Variants in RET observed in about 807,000 individuals in gnomAD.
RET encodes ret proto-oncogene, also known as proto-oncogene tyrosine-protein kinase receptor Ret.
Under a neutral mutation model 118.3 loss-of-function variants are expected in RET, and 19 were observed. The observed-to-expected ratio is 0.16, with a 90% CI of 0.11 to 0.24. The LOEUF is 0.24. Ranked by LOEUF, RET falls within the 10% of genes least tolerant of loss-of-function variation. The probability of loss-of-function intolerance (pLI) is 1.00; values close to 1 mark genes in which losing one functional copy is unlikely to be tolerated. For synonymous variants in RET, 597 were observed against 644.1 expected (o/e 0.93, Z 1.11); for missense variants, 1,219 against 1,502.1 (o/e 0.81, Z 3.12).
At chr10:43,127,577 G>T in intron 19 of RET, 2 of 738,322 alleles carry the variant, frequency 2.7e-6, no homozygotes, top group Non-Finnish European at 3.4e-6. Context: ...AGCTGAGACG[G>T]TTCCTTTTGC....
At chr10:43,118,530 G>T in intron 13 of RET, 50 bp downstream of exon 13, 3 of 1,330,016 alleles carry the variant, frequency 2.3e-6, no homozygotes, top group Non-Finnish European at 3.2e-6. Flanking sequence ...CCAGGCTGGG[G>T]GCTCCATACA....
Position 43,119,527 on chromosome 10 carries a change from C to T in RET, c.2393-4C>T, listed in dbSNP as rs768398267. The T allele has an allele frequency of 1.3e-6, 2 of 1,593,132 alleles. No individual in the cohort carries two copies. The highest frequency in any genetic ancestry group is 8.5e-7 in the Non-Finnish European group (1 of 1,173,018). Reference sequence around the variant, plus strand: ...CGCCCAGGGCCCCCTCTCTCCGCCCCCAGGCCCGCTCCTCCTCATCGTGGA... The same window carrying T: ...CGCCCAGGGCCCCCTCTCTCCGCCCTCAGGCCCGCTCCTCCTCATCGTGGA... On this transcript the variant is annotated splice_region_variant and splice_polypyrimidine_tract_variant and intron_variant, in intron 13 of 19. Transcript: ENST00000355710.
chr10:43,109,937 G>A (rs1347451622), intron 6 of RET, among the ~76,000 whole-genome samples: 4 of 152,162 alleles, frequency 2.6e-5, no homozygotes, highest in Admixed American at 6.5e-5. Flanking sequence ...GCATGTTCTC[G>A]CATGCCGCTC....
At chr10:43,087,984 G>A (rs913187393) in intron 1 of RET, among the ~76,000 whole-genome samples, 1 of 152,190 alleles carries the variant, frequency 6.6e-6, no homozygotes, top group Non-Finnish European at 1.5e-5. Context: ...CGTGATGATG[G>A]TTGTGGTGGA....
At chr10:43,088,578 G>T (rs1837345689) in intron 1 of RET, among the ~76,000 whole-genome samples, 1 of 152,050 alleles carries the variant, frequency 6.6e-6, no homozygotes, top group South Asian at 2.1e-4. Flanking sequence ...CATTTGCTTG[G>T]TGCCAGCCAC....
intron 10 of RET, among the ~76,000 whole-genome samples, chr10:43,113,978 A>G (rs1838005357): frequency 1.3e-5 from 2 of 152,154 alleles, no homozygotes; most frequent in Non-Finnish European, 2.9e-5. Context: ...CCAGGAACAC[A>G]TTTCAAGGTC....
At chr10:43,078,753 T>C (rs1837111076) in intron 1 of RET, among the ~76,000 whole-genome samples, 1 of 152,162 alleles carries the variant, frequency 6.6e-6, no homozygotes, top group Non-Finnish European at 1.5e-5. Context: ...AGTGAGGCTG[T>C]GGGGGCCAGG....
Position 43,112,112 on chromosome 10 carries a change from G to A in RET, c.1536G>A (p.Glu512=), listed in dbSNP as rs1225794377. Residue 512 remains glutamate, a synonymous_variant, in exon 8 of 20, where the codon GAG becomes GAA. Coordinates refer to ENST00000355710, the MANE Select transcript of RET (RefSeq NM_020975.6). ...TGCCACCTGCAGATGTGGCCGAGGA[G>A]GCGGGCTGCCCCCTGTCCTGTGCAG... ...VTVEGSYVAE[E]AGCPLSCAVS... 3 of 1,602,310 alleles carry A rather than the reference G, an allele frequency of 1.9e-6. No individual in the cohort carries two copies. Among genetic ancestry groups the A allele is most frequent in the South Asian group, 2.3e-5 (2 of 88,756 alleles).
chr10:43,094,758 G>C (rs1837486448), intron 1 of RET, among the ~76,000 whole-genome samples: 1 of 152,218 alleles, frequency 6.6e-6, no homozygotes, highest in Non-Finnish European at 1.5e-5. Context: ...TGTGAAAGCG[G>C]GTATATACCA....
chr10:43,106,653 C>T lies in RET; in HGVS notation c.1063+82C>T, dbSNP rs1247841408. On this transcript the variant is annotated intron_variant, in intron 5 of 19. Coordinates refer to ENST00000355710, the MANE Select transcript of RET (RefSeq NM_020975.6). The surrounding 1 kb of genome is among the most constrained non-coding windows in gnomAD (Gnocchi z 5.1). ...CTTCATGGGCAAGCAGCACCCTACA[C>T]ACATGCACACCTGGCATGGCCCTCT... is the stretch of plus-strand genomic sequence containing the variant. The T allele has an allele frequency of 1.4e-6, 2 of 1,395,682 alleles. No individual in the cohort carries two copies. Among genetic ancestry groups the T allele is most frequent in the South Asian group, 2.5e-5 (2 of 81,542 alleles). The allele number at this position is 1,395,682 out of a possible 1,614,324, so 86.5% of individuals were successfully genotyped here. A position where few individuals can be genotyped will look rare whatever the true frequency, so the allele number is the denominator to read the frequency against.
At chr10:43,125,665 T>G (rs1436223875) in intron 18 of RET, among the ~76,000 whole-genome samples, 1 of 152,202 alleles carries the variant, frequency 6.6e-6, no homozygotes, top group Non-Finnish European at 1.5e-5. Context: ...GGACCCATAC[T>G]ATGTCTCAGA....
At chr10:43,085,374 C>T (rs1197799201) in intron 1 of RET, among the ~76,000 whole-genome samples, 1 of 152,218 alleles carries the variant, frequency 6.6e-6, no homozygotes, top group Non-Finnish European at 1.5e-5. Flanking sequence ...CTGCTGAACT[C>T]TCTCCTTTGG....
intron 1 of RET, among the ~76,000 whole-genome samples, chr10:43,077,979 G>T (rs965493860): frequency 6.6e-6 from 1 of 152,244 alleles, no homozygotes; most frequent in Non-Finnish European, 1.5e-5. Flanking sequence ...CCCTGGAGTC[G>T]TGTGGCGCTG....
chr10:43,105,171 T>C lies in RET; in HGVS notation c.845T>C (p.Val282Ala). 1 of 1,612,494 alleles carries C rather than the reference T, an allele frequency of 6.2e-7. No individual in the cohort carries two copies. The highest frequency in any genetic ancestry group is 8.5e-7 in the Non-Finnish European group (1 of 1,179,820). ...GCGGGCGTCGACACCGCCAGCGCCG[T>C]GGTGGAGTTCAAGCGGAAGGAGGTG... ...FPAGVDTASA[V>A]VEFKRKEDTV... is the part of the protein sequence containing the mutation. Residue 282 changes from valine to alanine, a missense_variant, in exon 4 of 20, where the codon GTG becomes GCG. Physicochemically the swap from Val to Ala is moderately conservative, Grantham distance 64. Coordinates refer to ENST00000355710, the MANE Select transcript of RET (RefSeq NM_020975.6).
At chr10:43,088,234 G>A (rs979106082) in intron 1 of RET, among the ~76,000 whole-genome samples, 3 of 151,766 alleles carry the variant, frequency 2.0e-5, no homozygotes, top group Non-Finnish European at 4.4e-5. Flanking sequence ...GGAGGCAATG[G>A]TGGTGGTGAT....
chr10:43,120,056 C>G (rs538648449), intron 14 of RET, 25 bp from the exon 15 acceptor site: 2 of 1,612,460 alleles, frequency 1.2e-6, no homozygotes, highest in Middle Eastern at 3.5e-4. Flanking sequence ...CATGGCCTGA[C>G]GACTCGTGCT....
intron 18 of RET, among the ~76,000 whole-genome samples, chr10:43,125,945 C>T (rs978655273): frequency 5.9e-5 from 9 of 152,156 alleles, no homozygotes; most frequent in African/African-American, 1.7e-4. Context: ...GCCGGGAAAA[C>T]GCTGGGCCCC....
chr10:43,125,074 C>G (rs1838301891), intron 18 of RET, 92 bp downstream of exon 18: 1 of 1,154,204 alleles, frequency 8.7e-7, no homozygotes, highest in African/African-American at 1.5e-5. Flanking sequence ...CTCAGAGTTC[C>G]CAGTGTGGGG....
rs1054486422 is a variant in RET, at chr10:43,085,128, G to A, written c.73+7797G>A. Among the ~76,000 whole-genome samples the A allele has an allele frequency of 2.6e-5, 4 of 152,194 alleles. No homozygotes were observed. In the South Asian group the frequency reaches 8.3e-4, roughly 31 times the overall value. The stretch of plus-strand genomic sequence containing the variant: ...GCTGGGGGGCCCTGAACCGAGGGTG[G>A]CAGGCAGCCTCTGTGGGCTCCTGCA... On this transcript the variant is annotated intron_variant, in intron 1 of 19. Transcript: ENST00000355710.
Sources: gnomAD v4.1 joint callset for allele counts (sites outside exome capture counted in the v4.1 genomes callset) on GRCh38, gnomAD v4.1.1 for gene constraint, Gnocchi (gnomAD v3.1) non-coding constraint, MANE v1.5 for transcripts, NCBI Gene and HGNC (gene_info 2026-07-23, HGNC 2026-07-21) for gene names.